Variants in PHF2 observed in about 807,000 individuals in gnomAD.
The protein encoded by PHF2 is lysine-specific demethylase PHF2.
In PHF2, 27 loss-of-function variants were observed where a neutral mutation model predicts 120.5. That is an observed-to-expected ratio of 0.22 (90% CI 0.17 to 0.31). The LOEUF (loss-of-function observed/expected upper bound fraction) is 0.31. PHF2 is among the 10% of genes least tolerant of loss of function. The pLI is 1.00. For synonymous variants in PHF2, 568 were observed against 592.5 expected (o/e 0.96, Z 0.60); for missense variants, 1,024 against 1,434.8 (o/e 0.71, Z 4.63).
At position 93,656,330 on chromosome 9, in the gene PHF2, C is replaced by T. The variant is rs888951448; in HGVS notation, c.1041-159C>T. Among the ~76,000 whole-genome samples the T allele has an allele frequency of 6.6e-6, 1 of 152,066 alleles. No homozygotes were observed. Reference sequence around the variant, plus strand: ...GCACTGACAGAACTCTCATGGGCCCCGAGGTCTGCAGCCACCAGGGCAGTT... The same window carrying T: ...GCACTGACAGAACTCTCATGGGCCCTGAGGTCTGCAGCCACCAGGGCAGTT... On this transcript the variant is annotated intron_variant, in intron 8 of 21. Transcript: ENST00000359246. The surrounding 1 kb of genome is among the most constrained non-coding windows in gnomAD (Gnocchi z 4.1).
chr9:93,626,289 A>G (rs1464064440), intron 1 of PHF2, among the ~76,000 whole-genome samples: 3 of 152,164 alleles, frequency 2.0e-5, no homozygotes, highest in African/African-American at 7.2e-5. Context: ...GTGTGAAGTG[A>G]TATCTTACTG....
intron 3 of PHF2, among the ~76,000 whole-genome samples, chr9:93,639,373 T>A (rs998865071): frequency 3.3e-5 from 5 of 152,224 alleles, no homozygotes; most frequent in African/African-American, 1.2e-4. Context: ...AGATTGTTCA[T>A]TGATAGTGTG....
chr9:93,621,715 TC>T (rs1030201239), intron 1 of PHF2, among the ~76,000 whole-genome samples: 1 of 151,994 alleles, frequency 6.6e-6, no homozygotes, highest in Non-Finnish European at 1.5e-5. Context: ...GCCTCGGCCT[TC>T]CCCCCTGTAA....
At chr9:93,649,374 C>CTTTT (rs752368762) in intron 5 of PHF2, among the ~76,000 whole-genome samples, 162 bp downstream of exon 5, 27 of 105,832 alleles carry the variant, frequency 2.6e-4, no homozygotes, top group African/African-American at 6.1e-4. Flanking sequence ...AAATTTTTTC[C>CTTTT]TTTTTTTTTT....
chr9:93,634,040 GTGT>G, intron 2 of PHF2, among the ~76,000 whole-genome samples: 2 of 152,300 alleles, frequency 1.3e-5, no homozygotes, highest in Middle Eastern at 6.8e-3. Context: ...CCCACACTCG[GTGT>G]TCCTCGCAGG....
At chr9:93,608,523 A>C (rs1014754772) in intron 1 of PHF2, among the ~76,000 whole-genome samples, 1 of 151,928 alleles carries the variant, frequency 6.6e-6, no homozygotes, top group Non-Finnish European at 1.5e-5. Flanking sequence ...AGTTGATATA[A>C]TTTATCCCTT....
At chr9:93,606,160 G>A (rs1265916312) in intron 1 of PHF2, among the ~76,000 whole-genome samples, 2 of 151,996 alleles carry the variant, frequency 1.3e-5, no homozygotes, top group Admixed American at 1.3e-4. Context: ...TGTAGAGATG[G>A]GGTTTTGCCA....
chr9:93,671,004 C>G (rs182105360), intron 17 of PHF2: 189 of 983,964 alleles, frequency 1.9e-4, no homozygotes, highest in Middle Eastern at 5.2e-4. Context: ...GGTGCAGATG[C>G]AGCTGCAGGT....
chr9:93,651,124 G>A (rs933041373), intron 5 of PHF2, among the ~76,000 whole-genome samples: 2 of 151,746 alleles, frequency 1.3e-5, no homozygotes, highest in Non-Finnish European at 1.5e-5. Context: ...AAGGTAATGG[G>A]CATTCATTTT....
chr9:93,673,029 T>C (rs781221655), intron 17 of PHF2, among the ~76,000 whole-genome samples: 8 of 151,592 alleles, frequency 5.3e-5, no homozygotes, highest in Non-Finnish European at 1.2e-4. Context: ...GGTGGGGGTG[T>C]GGAGAGAAGT....
At chr9:93,584,578 T>G (rs1863000009) in intron 1 of PHF2, among the ~76,000 whole-genome samples, 1 of 152,266 alleles carries the variant, frequency 6.6e-6, no homozygotes. Flanking sequence ...TTCTGGACTC[T>G]CAGTTCTATT....
intron 1 of PHF2, among the ~76,000 whole-genome samples, chr9:93,586,483 C>T (rs1863046402): frequency 6.6e-6 from 1 of 152,280 alleles, no homozygotes; most frequent in African/African-American, 2.4e-5. Context: ...TCAGGAGAAG[C>T]CAGCTGGGGG....
At chr9:93,580,681 A>C (rs1862915615) in intron 1 of PHF2, among the ~76,000 whole-genome samples, 2 of 152,162 alleles carry the variant, frequency 1.3e-5, no homozygotes, top group South Asian at 4.1e-4. Context: ...TAATCAGTAA[A>C]ACTGACTTGA....
intron 1 of PHF2, among the ~76,000 whole-genome samples, chr9:93,614,374 C>T (rs1362536516): frequency 6.6e-6 from 1 of 152,210 alleles, no homozygotes; most frequent in African/African-American, 2.4e-5. Flanking sequence ...GCTTCTATAC[C>T]CCAGTGACTT....
At chr9:93,603,196 G>A (rs1825477222) in intron 1 of PHF2, among the ~76,000 whole-genome samples, 1 of 152,124 alleles carries the variant, frequency 6.6e-6, no homozygotes, top group Non-Finnish European at 1.5e-5. Flanking sequence ...GTGGACAGGA[G>A]GAACAAAGGC....
intron 1 of PHF2, among the ~76,000 whole-genome samples, chr9:93,590,124 G>A (rs1186419473): frequency 2.0e-5 from 3 of 152,168 alleles, no homozygotes; most frequent in African/African-American, 4.8e-5. Flanking sequence ...TTTTAAAATC[G>A]TCAGATTGGT....
chr9:93,593,187 T>C (rs1348590637), intron 1 of PHF2, among the ~76,000 whole-genome samples: 1 of 149,526 alleles, frequency 6.7e-6, no homozygotes, highest in Non-Finnish European at 1.5e-5. Context: ...TTCCCTGGAG[T>C]TGTTGGGAGG....
chr9:93,666,309 T>C (rs879762944), intron 16 of PHF2, among the ~76,000 whole-genome samples: 1 of 152,164 alleles, frequency 6.6e-6, no homozygotes, highest in Non-Finnish European at 1.5e-5. Context: ...GGGGAGGTTA[T>C]TGGGATCTAG....
At chr9:93,608,150 G>A (rs181333045) in intron 1 of PHF2, among the ~76,000 whole-genome samples, 2 of 152,138 alleles carry the variant, frequency 1.3e-5, no homozygotes, top group Admixed American at 1.3e-4. Context: ...TGGTGAGAGG[G>A]ACATCCTTGC....
Sources: gnomAD v4.1 joint callset for allele counts (sites outside exome capture counted in the v4.1 genomes callset) on GRCh38, gnomAD v4.1.1 for gene constraint, Gnocchi (gnomAD v3.1) non-coding constraint, MANE v1.5 for transcripts, NCBI Gene and HGNC (gene_info 2026-07-23, HGNC 2026-07-21) for gene names.